The following TMPRSS11D variants were observed in gnomAD, a reference collection of about 807,000 sequenced individuals.
TMPRSS11D encodes transmembrane serine protease 11D, also known as transmembrane protease serine 11D.
TMPRSS11D carries 32 observed loss-of-function variants against 44.4 expected under a neutral mutation model. The observed-to-expected ratio is 0.72, with a 90% CI of 0.54 to 0.97. TMPRSS11D has a LOEUF of 0.97. Ranked by LOEUF, TMPRSS11D falls within the 50% of genes least tolerant of loss-of-function variation. The pLI, the probability that TMPRSS11D is intolerant of heterozygous loss-of-function variation, is 0.00. For missense variants in TMPRSS11D, 446 were observed against 502.6 expected (o/e 0.89, Z 1.08); for synonymous variants, 179 against 177.9 (o/e 1.01, Z -0.05).
intron 1 of TMPRSS11D, among the ~76,000 whole-genome samples, 191 bp downstream of exon 1, chr4:67,883,735 A>G (rs1719381021): frequency 6.6e-6 from 1 of 152,106 alleles, no homozygotes. Flanking sequence ...TCAGTTAAGC[A>G]ACTATGTACC....
chr4:67,860,130 A>C (rs1215909656), intron 1 of TMPRSS11D, among the ~76,000 whole-genome samples: 2 of 152,066 alleles, frequency 1.3e-5, no homozygotes, highest in Non-Finnish European at 2.9e-5. Flanking sequence ...AAGATAAAGA[A>C]GCAGGGGTGG....
intron 3 of TMPRSS11D, among the ~76,000 whole-genome samples, chr4:67,844,777 TA>T (rs916240061): frequency 4.0e-5 from 6 of 151,464 alleles, no homozygotes; most frequent in South Asian, 2.1e-4. Flanking sequence ...AGACTCTGTT[TA>T]AAAAAAAGGA....
At chr4:67,866,648 C>A (rs958169154) in intron 1 of TMPRSS11D, among the ~76,000 whole-genome samples, 1 of 151,884 alleles carries the variant, frequency 6.6e-6, no homozygotes, top group Non-Finnish European at 1.5e-5. Context: ...TCTCGGGATA[C>A]AAAATCAATG....
chr4:67,843,069 C>A (rs532883469), intron 3 of TMPRSS11D, among the ~76,000 whole-genome samples: 122 of 143,348 alleles, frequency 8.5e-4, no homozygotes, highest in Non-Finnish European at 1.6e-3. Context: ...CAATGGAAAA[C>A]TTGAAGAGAA....
At chr4:67,867,404 T>C (rs1463842301) in intron 1 of TMPRSS11D, among the ~76,000 whole-genome samples, 2 of 151,858 alleles carry the variant, frequency 1.3e-5, no homozygotes, top group African/African-American at 2.4e-5. Context: ...GGGAAAACTT[T>C]TGGACATTAA....
intron 1 of TMPRSS11D, among the ~76,000 whole-genome samples, chr4:67,868,720 G>A (rs1294185734): frequency 6.6e-6 from 1 of 152,106 alleles, no homozygotes; most frequent in Non-Finnish European, 1.5e-5. Flanking sequence ...TTGGCTTTAG[G>A]GTATCAATGA....
At chr4:67,874,129 G>A (rs1719122977) in intron 1 of TMPRSS11D, among the ~76,000 whole-genome samples, 1 of 152,040 alleles carries the variant, frequency 6.6e-6, no homozygotes, top group Non-Finnish European at 1.5e-5. Context: ...ACAGTAACGT[G>A]CTATACAGGT....
chr4:67,851,384 C>G (rs1560543425), intron 3 of TMPRSS11D, among the ~76,000 whole-genome samples: 1 of 152,206 alleles, frequency 6.6e-6, no homozygotes, highest in African/African-American at 2.4e-5. Flanking sequence ...GGACTGCACT[C>G]CTGTGTAAAG....
At chr4:67,865,317 G>T (rs1718895659) in intron 1 of TMPRSS11D, among the ~76,000 whole-genome samples, 1 of 151,464 alleles carries the variant, frequency 6.6e-6, no homozygotes, top group African/African-American at 2.4e-5. Flanking sequence ...ATTTTGAAAT[G>T]AATGAAAATG....
In TMPRSS11D at chr4:67,842,413, T is replaced by C. The variant is rs1353873494; in HGVS notation, c.317+145A>G. On this transcript the variant is annotated intron_variant, in intron 4 of 9. Transcript: ENST00000283916. The stretch of plus-strand genomic sequence containing the variant: ...GATCATATGTTTGGCTTTTTTGGCA[T>C]TGGTTTTTAAGCTGACTAAAATACT... 27 of 734,310 alleles carry C rather than the reference T, an allele frequency of 3.7e-5. No individual in the cohort carries two copies. The East Asian group carries it at 7.2e-4, about 20-fold the overall frequency. The allele number at this position is 734,310 out of a possible 1,614,324, so 45.5% of individuals were successfully genotyped here.
At chr4:67,867,106 A>C (rs1718943570) in intron 1 of TMPRSS11D, among the ~76,000 whole-genome samples, 1 of 152,102 alleles carries the variant, frequency 6.6e-6, no homozygotes, top group African/African-American at 2.4e-5. Flanking sequence ...AGTAACCAAA[A>C]CAGCATCATA....
In TMPRSS11D at chr4:67,859,603, C is replaced by T. The variant is rs745584019; in HGVS notation, c.84G>A (p.Val28=). The T allele has an allele frequency of 6.2e-7, 1 of 1,613,264 alleles. No homozygotes were observed. Among genetic ancestry groups the T allele is most frequent in the East Asian group, 2.2e-5 (1 of 44,854 alleles). Residue 28 remains valine, a synonymous_variant, in exon 2 of 10, where the codon GTG becomes GTA. Coordinates refer to ENST00000283916, the MANE Select transcript of TMPRSS11D (RefSeq NM_004262.3). ...GTAGAGCTATGGTGACTGCCAGGAT[C>T]ACTACCCCTGCGACGACAATGAAAC... ...VVCFIVVAGV[V]ILAVTIALLV...
chr4:67,868,736 T>C (rs1718985165), intron 1 of TMPRSS11D, among the ~76,000 whole-genome samples: 1 of 152,160 alleles, frequency 6.6e-6, no homozygotes, highest in Non-Finnish European at 1.5e-5. Context: ...AATGAGCTTT[T>C]TGAAATGAGA....
intron 3 of TMPRSS11D, among the ~76,000 whole-genome samples, chr4:67,852,517 A>G (rs902043246): frequency 2.6e-5 from 4 of 152,234 alleles, no homozygotes; most frequent in Non-Finnish European, 5.9e-5. Context: ...AGTGAGAACC[A>G]TCACAGCTGG....
chr4:67,829,345 C>T (rs1355963136), intron 7 of TMPRSS11D, among the ~76,000 whole-genome samples: 1 of 150,838 alleles, frequency 6.6e-6, no homozygotes, highest in Non-Finnish European at 1.5e-5. Flanking sequence ...TTTTATTTTC[C>T]ATAAACTTAT....
At chr4:67,825,268 C>T (rs1371929) in intron 9 of TMPRSS11D, among the ~76,000 whole-genome samples, 122,784 of 151,846 alleles carry the variant, frequency 0.81, 50,290 homozygotes, top group Middle Eastern at 0.91. Flanking sequence ...TAATCCTTCA[C>T]AGCAGTTAAA....
chr4:67,833,562 T>C, intron 6 of TMPRSS11D, 181 bp from the exon 7 acceptor site: 1 of 473,032 alleles, frequency 2.1e-6, no homozygotes, highest in Non-Finnish European at 3.4e-6. Flanking sequence ...CTACTGTTGC[T>C]TATAGATAGC....
At chr4:67,846,331 T>C (rs1718356575) in intron 3 of TMPRSS11D, among the ~76,000 whole-genome samples, 1 of 152,056 alleles carries the variant, frequency 6.6e-6, no homozygotes, top group Non-Finnish European at 1.5e-5. Flanking sequence ...TTTATGAAAT[T>C]AGAAATTAAA....
intron 9 of TMPRSS11D, among the ~76,000 whole-genome samples, chr4:67,823,423 A>G (rs1717702209): frequency 6.6e-6 from 1 of 152,104 alleles, no homozygotes; most frequent in Non-Finnish European, 1.5e-5. Flanking sequence ...CTGAAACTAG[A>G]TAGTCTGGGT....
Sources: gnomAD v4.1 joint callset for allele counts (sites outside exome capture counted in the v4.1 genomes callset) on GRCh38, gnomAD v4.1.1 for gene constraint, MANE v1.5 for transcripts, NCBI Gene and HGNC (gene_info 2026-07-23, HGNC 2026-07-21) for gene names.